FHIT: variants seen among roughly 807,000 people sequenced by gnomAD.
The protein encoded by FHIT is fragile histidine triad diadenosine triphosphatase.
Under a neutral mutation model 17.9 loss-of-function variants are expected in FHIT, and 19 were observed. That is an observed-to-expected ratio of 1.06 (90% CI 0.74 to 1.56). The LOEUF is 1.56. Among genes scored for constraint, FHIT ranks in the 40% most tolerant of loss-of-function variants. FHIT has a pLI of 0.00. For missense variants in FHIT, 248 were observed against 189.2 expected, an observed-to-expected ratio of 1.31 and a Z score of -1.82; for synonymous variants, 81 against 69.7, an observed-to-expected ratio of 1.16 and a Z score of -0.81.
At chr3:60,713,266 A>G (rs1295185750) in intron 4 of FHIT, among the ~76,000 whole-genome samples, 6 of 150,770 alleles carry the variant, frequency 4.0e-5, no homozygotes, top group East Asian at 3.9e-4. Flanking sequence ...TCTCTGGGAC[A>G]CATTCAAAGC....
chr3:60,971,345 T>A (rs1409639065), intron 3 of FHIT, among the ~76,000 whole-genome samples: 1 of 152,144 alleles, frequency 6.6e-6, no homozygotes, highest in African/African-American at 2.4e-5. Context: ...TCTGTCTCAA[T>A]AAATAAATAA....
intron 5 of FHIT, among the ~76,000 whole-genome samples, chr3:60,491,298 C>G (rs975362754): frequency 2.6e-5 from 4 of 152,022 alleles, no homozygotes; most frequent in Non-Finnish European, 5.9e-5. Flanking sequence ...CACACCCACT[C>G]CCTTACACAC....
chr3:59,957,813 T>C (rs770246478), intron 7 of FHIT, among the ~76,000 whole-genome samples: 64 of 152,240 alleles, frequency 4.2e-4, no homozygotes, highest in Admixed American at 2.0e-3. Flanking sequence ...GGAACTTGAC[T>C]GTTTTATGGT....
At chr3:60,740,681 C>T (rs1311232477) in intron 4 of FHIT, among the ~76,000 whole-genome samples, 4 of 152,158 alleles carry the variant, frequency 2.6e-5, no homozygotes, top group African/African-American at 7.2e-5. Context: ...GTTGAAATTT[C>T]CCATTCCTCC....
chr3:60,335,305 T>A (rs1710180574), intron 5 of FHIT, among the ~76,000 whole-genome samples: 1 of 152,210 alleles, frequency 6.6e-6, no homozygotes, highest in Middle Eastern at 3.4e-3. Flanking sequence ...ACCAAAAATA[T>A]CTAGAAAAAT....
intron 1 of FHIT, among the ~76,000 whole-genome samples, chr3:61,219,106 G>C (rs568435060): frequency 1.5e-4 from 23 of 152,238 alleles, no homozygotes; most frequent in African/African-American, 5.5e-4. Context: ...CCTAAATGCT[G>C]TAAGTAATTA....
At chr3:60,727,696 T>C (rs1009104615) in intron 4 of FHIT, among the ~76,000 whole-genome samples, 1 of 152,204 alleles carries the variant, frequency 6.6e-6, no homozygotes, top group African/African-American at 2.4e-5. Context: ...ATTTGCTTCA[T>C]TGAACAGTAA....
chr3:60,025,711 TA>T (rs1234824954), intron 5 of FHIT, among the ~76,000 whole-genome samples: 1 of 103,242 alleles, frequency 9.7e-6, no homozygotes, highest in East Asian at 2.4e-4. Context: ...TTTACAACAA[TA>T]AAAATGCAGA....
At chr3:60,550,429 G>A (rs1209921712) in intron 4 of FHIT, among the ~76,000 whole-genome samples, 1 of 152,064 alleles carries the variant, frequency 6.6e-6, no homozygotes, top group Non-Finnish European at 1.5e-5. Context: ...TATACAAAGA[G>A]AATTTTTTAG....
At chr3:59,799,059 T>C (rs2106965165) in intron 8 of FHIT, among the ~76,000 whole-genome samples, 1 of 152,204 alleles carries the variant, frequency 6.6e-6, no homozygotes, top group Admixed American at 6.5e-5. Context: ...GATTACTCCC[T>C]TTCCTGCCCT....
At chr3:60,241,709 G>A (rs1032806947) in intron 5 of FHIT, among the ~76,000 whole-genome samples, 6 of 152,112 alleles carry the variant, frequency 3.9e-5, no homozygotes, top group African/African-American at 1.4e-4. Flanking sequence ...GATAGGTACC[G>A]CCTATTCCTA....
At chr3:60,638,433 A>C (rs782219483) in intron 4 of FHIT, among the ~76,000 whole-genome samples, 2 of 152,236 alleles carry the variant, frequency 1.3e-5, no homozygotes, top group African/African-American at 4.8e-5. Flanking sequence ...ATCTAGGATC[A>C]ATCCTAACTT....
At chr3:60,911,810 A>C (rs1427948675) in intron 3 of FHIT, among the ~76,000 whole-genome samples, 1 of 152,224 alleles carries the variant, frequency 6.6e-6, no homozygotes, top group Non-Finnish European at 1.5e-5. Context: ...TGAAACAATA[A>C]GTCTGAAGCA....
chr3:59,814,075 C>CACA (rs1559629328), intron 8 of FHIT, among the ~76,000 whole-genome samples: 3 of 151,448 alleles, frequency 2.0e-5, no homozygotes, highest in East Asian at 3.9e-4. Context: ...CACACACACA[C>CACA]CCGACGGTGA....
At chr3:61,052,334 A>G (rs2034057024) in intron 2 of FHIT, among the ~76,000 whole-genome samples, 1 of 152,190 alleles carries the variant, frequency 6.6e-6, no homozygotes, top group African/African-American at 2.4e-5. Context: ...CAGGATAGAG[A>G]GTATGACCTT....
intron 7 of FHIT, among the ~76,000 whole-genome samples, chr3:59,946,728 T>C (rs981833194): frequency 6.6e-6 from 1 of 152,336 alleles, no homozygotes; most frequent in Non-Finnish European, 1.5e-5. Context: ...AAGAAGGATG[T>C]CTAATTTTAT....
At chr3:60,878,637 C>A (rs535819530) in intron 3 of FHIT, among the ~76,000 whole-genome samples, 1 of 152,000 alleles carries the variant, frequency 6.6e-6, no homozygotes, top group African/African-American at 2.4e-5. Context: ...CTATCCCTCC[C>A]CCTGCCCCCA....
intron 5 of FHIT, among the ~76,000 whole-genome samples, chr3:60,486,418 C>A (rs976201322): frequency 6.6e-6 from 1 of 152,122 alleles, no homozygotes; most frequent in Non-Finnish European, 1.5e-5. Context: ...CTGTGCACTA[C>A]AAACAACCAT....
In FHIT at chr3:60,110,107, T is replaced by A. The variant is rs747264503; in HGVS notation, c.104-95955A>T. Among the ~76,000 whole-genome samples the A allele has an allele frequency of 7.9e-5, 12 of 152,292 alleles. No individual in the cohort carries two copies. In the South Asian group the frequency reaches 1.0e-3, roughly 13 times the overall value. On this transcript the variant is annotated intron_variant, in intron 5 of 9. Coordinates refer to ENST00000492590, the MANE Select transcript of FHIT (RefSeq NM_002012.4). ...CAGGAAACCTGTGTTCCAGGGACAATCTTCTTCATCACTCTATTCCCAGCG... is the reference window on the plus strand; with the variant it reads ...CAGGAAACCTGTGTTCCAGGGACAAACTTCTTCATCACTCTATTCCCAGCG...
Sources: gnomAD v4.1 joint callset for allele counts (sites outside exome capture counted in the v4.1 genomes callset) on GRCh38, gnomAD v4.1.1 for gene constraint, MANE v1.5 for transcripts, NCBI Gene and HGNC (gene_info 2026-07-23, HGNC 2026-07-21) for gene names.